The following TTN variants were observed in gnomAD, a reference collection of about 807,000 sequenced individuals.
TTN encodes connectin.
In TTN, 1,525 loss-of-function variants were observed where a neutral mutation model predicts 3,223.0. The observed-to-expected ratio is 0.47, with a 90% CI of 0.45 to 0.49. The LOEUF (loss-of-function observed/expected upper bound fraction) is 0.49, where lower values mean the gene tolerates loss of function less well. Ranked by LOEUF, TTN falls within the 20% of genes least tolerant of loss-of-function variation. The probability of loss-of-function intolerance (pLI) is 0.00; values close to 1 mark genes in which losing one functional copy is unlikely to be tolerated. For synonymous variants in TTN, 14,094 were observed against 15,161.0 expected (o/e 0.93, Z 5.17); for missense variants, 40,786 against 43,424.0 (o/e 0.94, Z 5.40).
intron 346 of TTN, 42 bp downstream of exon 346, chr2:178,543,792 G>A: frequency 6.2e-7 from 1 of 1,600,890 alleles, no homozygotes; most frequent in Middle Eastern, 1.7e-4. Flanking sequence ...TTGTTTTAGA[G>A]GATCTACTCA....
chr2:178,640,167 A>G, intron 221 of TTN, 57 bp from the exon 222 acceptor site: 6 of 1,534,184 alleles, frequency 3.9e-6, no homozygotes, highest in South Asian at 1.2e-5. Flanking sequence ...GTTTTTCACA[A>G]AGTCAAAACT....
In TTN at chr2:178,747,368, T is replaced by G. The variant is rs560037336; in HGVS notation, c.11312-5447A>C. ...ATGTATTGAGGATTGTTTAGTTATA[T>G]CTGAAGGATTAAAATATAAGTCAGG... On this transcript the variant is annotated intron_variant, in intron 47 of 362. Transcript: ENST00000589042. The G allele has an allele frequency of 3.7e-6, 6 of 1,613,354 alleles. No individual in the cohort carries two copies. In the South Asian group the frequency reaches 4.4e-5, roughly 12 times the overall value.
intron 12 of TTN, among the ~76,000 whole-genome samples, 189 bp from the exon 13 acceptor site, chr2:178,789,686 T>TA (rs748239931): frequency 6.6e-6 from 1 of 152,110 alleles, no homozygotes. Flanking sequence ...TGTTAGCTAT[T>TA]AAAAAACCTC....
intron 96 of TTN, 44 bp downstream of exon 96, chr2:178,711,900 C>T (rs770705426): frequency 1.3e-5 from 20 of 1,521,684 alleles, no homozygotes; most frequent in Admixed American, 4.2e-5. Flanking sequence ...AAATCTTGTT[C>T]AAAAGAAACA....
At position 178,636,708 on chromosome 2, in the gene TTN, C is replaced by CGG; in HGVS notation, c.41017_41018dup (p.Phe13674ArgfsTer6). 6.2e-7 allele frequency: 1 copy of CGG among 1,613,162 alleles called. No homozygotes were observed. Among genetic ancestry groups the CGG allele is most frequent in the South Asian group, 1.1e-5 (1 of 91,054 alleles). ...GCACAGCCTTTAGCTGGTAGGTGAA[C>CGG]GGGGCTTCATCAGGAGGTTTCTCTC... On this transcript the variant is annotated frameshift_variant, in exon 225 of 363. Coordinates refer to ENST00000589042, the MANE Select transcript of TTN (RefSeq NM_001267550.2). LOFTEE classifies it high-confidence loss of function. This position sits in a 1 kb window ranked among gnomAD's most constrained non-coding sequence, Gnocchi z 4.3.
Position 178,561,273 on chromosome 2 carries a change from A to T in TTN, c.84859T>A (p.Tyr28287Asn). The T allele has an allele frequency of 6.2e-7, 1 of 1,613,786 alleles. No homozygotes were observed. The highest frequency in any genetic ancestry group is 8.5e-7 in the Non-Finnish European group (1 of 1,179,804). ...GGTAGTTCTCTGCGTTCAACAATGT[A>T]TCCTGTGATCTTAGCTCCACCATCA... ...HYDGGAKITG[Y>N]IVERRELPDG... is the part of the protein sequence containing the mutation. Residue 28287 changes from tyrosine (Y) to asparagine (N), a missense_variant, in exon 326 of 363, where the codon TAC becomes AAC. Physicochemically the swap from Tyr to Asn is moderately radical, Grantham distance 143. Coordinates refer to ENST00000589042, the MANE Select transcript of TTN (RefSeq NM_001267550.2).
chr2:178,784,170 C>G lies in TTN; in HGVS notation c.2675G>C (p.Ser892Thr), dbSNP rs745946685. 6.2e-7 allele frequency: 1 copy of G among 1,614,204 alleles called. No individual in the cohort carries two copies. The highest frequency in any genetic ancestry group is 1.7e-5 in the Admixed American group (1 of 60,028). The change falls in exon 16 of 363, where the codon AGT becomes ACT. Residue 892 changes from serine (S) to threonine (T), a missense_variant. Physicochemically the swap from Ser to Thr is moderately conservative, Grantham distance 58. Transcript: ENST00000589042. ...PFADTPDTYK[S>T]EAGVEVKKEV... is the part of the protein sequence containing the mutation. ...CTTTTTCACCTCAACGCCAGCTTCA[C>G]TCTTGTAAGTATCTGGTGTGTCAGC...
intron 232 of TTN, 29 bp from the exon 233 acceptor site, chr2:178,633,355 C>A (rs755077659): frequency 1.2e-6 from 2 of 1,613,010 alleles, no homozygotes; most frequent in South Asian, 2.2e-5. Context: ...GTTAGCATGA[C>A]TGAACTAATA....
rs878933472 is a variant in TTN, at chr2:178,753,171, G to A, written c.11264C>T (p.Ser3755Leu). ...TTGTTCAATCCTCTCATGCAAAATTGATTCAGGAGCTAAAATAGAAAAACA... is the reference window on the plus strand; with the variant it reads ...TTGTTCAATCCTCTCATGCAAAATTAATTCAGGAGCTAAAATAGAAAAACA... ...AVLSVEGAPESILHERIEQEI... is the reference protein window; with the variant it reads ...AVLSVEGAPELILHERIEQEI... The change falls in exon 47 of 363, where the codon TCA becomes TTA. Residue 3755 changes from serine (S) to leucine (L), a missense_variant. Coordinates refer to ENST00000589042, the MANE Select transcript of TTN (RefSeq NM_001267550.2). 1 of 1,608,190 alleles carries A rather than the reference G, an allele frequency of 6.2e-7. No individual in the cohort carries two copies. Among genetic ancestry groups the A allele is most frequent in the Non-Finnish European group, 8.5e-7 (1 of 1,176,554 alleles).
At position 178,614,737 on chromosome 2, in the gene TTN, G is replaced by A; in HGVS notation, c.48777C>T (p.Phe16259=). Reference sequence around the variant, plus strand: ...GACCAGCAAGGAGCTTCACATCGAGGAAGATTTCTGGGGCCTCTGAATTGG... The same window carrying A: ...GACCAGCAAGGAGCTTCACATCGAGAAAGATTTCTGGGGCCTCTGAATTGG... ...AVDTQEAPEI[F]LDVKLLAGLT... Residue 16259 remains phenylalanine (F), a synonymous_variant, in exon 261 of 363, where the codon TTC becomes TTT. Coordinates refer to ENST00000589042, the MANE Select transcript of TTN (RefSeq NM_001267550.2). 9 of 1,608,088 alleles carry A rather than the reference G, an allele frequency of 5.6e-6. No individual in the cohort carries two copies. Among genetic ancestry groups the A allele is most frequent in the Non-Finnish European group, 6.8e-6 (8 of 1,177,072 alleles).
intron 47 of TTN, chr2:178,750,963 G>C (rs751965036): frequency 6.2e-7 from 1 of 1,612,838 alleles, no homozygotes; most frequent in Non-Finnish European, 8.5e-7. Flanking sequence ...TCCTTTACCA[G>C]TGCTTCTTGG....
chr2:178,722,690 A>C lies in TTN; in HGVS notation c.22209T>G (p.Thr7403=), dbSNP rs762942216. Reference sequence around the variant, plus strand: ...TTCTGAACACAGTCTTAGAAGAAGCAGTTCCTATACTATTTTCTGCTTTGC... The same window carrying C: ...TTCTGAACACAGTCTTAGAAGAAGCCGTTCCTATACTATTTTCTGCTTTGC... ...YTCKAENSIG[T]ASSKTVFRIQ... The change falls in exon 76 of 363, where the codon ACT becomes ACG. Residue 7403 remains threonine (T), a synonymous_variant. Coordinates refer to ENST00000589042, the MANE Select transcript of TTN (RefSeq NM_001267550.2). 1.9e-5 allele frequency: 31 copies of C among 1,612,610 alleles called. No homozygotes were observed. In the South Asian group the frequency reaches 3.3e-4, roughly 17 times the overall value.
rs794729283 is a variant in TTN at position 178,572,947 on chromosome 2, A to G, written c.73185T>C (p.Tyr24395=). 1 of 1,613,120 alleles carries G rather than the reference A, an allele frequency of 6.2e-7. No individual in the cohort carries two copies. Among genetic ancestry groups the G allele is most frequent in the African/African-American group, 1.3e-5 (1 of 74,888 alleles). The change falls in exon 326 of 363, where the codon TAT becomes TAC. Residue 24395 remains tyrosine, a synonymous_variant. Transcript: ENST00000589042. ...TITGLTENQE[Y]KIRIYAMNSE... The stretch of plus-strand genomic sequence containing the variant: ...AATTCATGGCATAGATGCGGATCTT[A>G]TATTCCTGATTCTCTGTGAGGCCAG...
In TTN at chr2:178,764,789, C is replaced by T. The variant is rs755986577; in HGVS notation, c.9726G>A (p.Leu3242=). Residue 3242 remains leucine (L), a synonymous_variant, in exon 42 of 363, where the codon CTG becomes CTA. Transcript: ENST00000589042. ...YVNAPEPPQV[L]QELQPVTVQS... ...GCACAGTGACAGGCTGGAGCTCCTGCAGAACTTGGGGCGGTTCAGGAGCTA... is the reference window on the plus strand; with the variant it reads ...GCACAGTGACAGGCTGGAGCTCCTGTAGAACTTGGGGCGGTTCAGGAGCTA... 1.7e-5 allele frequency: 27 copies of T among 1,613,428 alleles called. No individual in the cohort carries two copies. The highest frequency in any genetic ancestry group is 2.3e-5 in the Non-Finnish European group (27 of 1,179,878).
Position 178,576,324 on chromosome 2 carries a change from G to A in TTN, c.69808C>T (p.Leu23270Phe), listed in dbSNP as rs904477168. 6.4e-7 allele frequency: 1 copy of A among 1,570,430 alleles called. No individual in the cohort carries two copies. The highest frequency in any genetic ancestry group is 8.6e-7 in the Non-Finnish European group (1 of 1,162,694). Reference sequence around the variant, plus strand: ...TCCACGACATAGCCAGTGATTTCAAGTCCACCATCATAATGAGGCTTGCCC... The same window carrying A: ...TCCACGACATAGCCAGTGATTTCAAATCCACCATCATAATGAGGCTTGCCC... ...AWGKPHYDGG[L>F]EITGYVVEHQ... The change falls in exon 326 of 363, where the codon CTT (leucine) becomes TTT (phenylalanine). Residue 23270 changes from leucine to phenylalanine, a missense_variant. Transcript: ENST00000589042. This position sits in a 1 kb window ranked among gnomAD's most constrained non-coding sequence, Gnocchi z 4.3.
In TTN at chr2:178,655,185, C is replaced by T. The variant is rs1351048463; in HGVS notation, c.38039-190G>A. Reference sequence around the variant, plus strand: ...TAAACAGAACCAACGACAAAAACCACGTGATTATCTCAATAGATGCAGAAA... The same window carrying T: ...TAAACAGAACCAACGACAAAAACCATGTGATTATCTCAATAGATGCAGAAA... On this transcript the variant is annotated intron_variant, in intron 189 of 362. Transcript: ENST00000589042. Among the ~76,000 whole-genome samples, 5 of 136,770 alleles carry T rather than the reference C, an allele frequency of 3.7e-5. 1 individual carries two copies. The highest frequency in any genetic ancestry group is 5.9e-5 in the Non-Finnish European group (4 of 67,284). The allele number at this position is 136,770 out of a possible 152,430, so 89.7% of individuals were successfully genotyped here.
At chr2:178,539,351 T>C (rs778626831) in intron 352 of TTN, 31 bp downstream of exon 352, 1 of 1,600,752 alleles carries the variant, frequency 6.2e-7, no homozygotes, top group South Asian at 1.1e-5. Flanking sequence ...TGAAATAATG[T>C]TTATAATTTT....
Position 178,630,243 on chromosome 2 carries a change from T to C in TTN, c.44279A>G (p.Lys14760Arg), listed in dbSNP as rs2059635881. Reference sequence around the variant, plus strand: ...CCTGAAAAATATACAATACTTACGCTTAACTCGGAGGTGGGCACTAGATTT... The same window carrying C: ...CCTGAAAAATATACAATACTTACGCCTAACTCGGAGGTGGGCACTAGATTT... ...NVKSSAHLRV[K>R]PRVIGLLRPL... Residue 14760 changes from lysine to arginine, a missense_variant and splice_region_variant, in exon 239 of 363, where the codon AAG becomes AGG. Coordinates refer to ENST00000589042, the MANE Select transcript of TTN (RefSeq NM_001267550.2). 1 of 1,613,002 alleles carries C rather than the reference T, an allele frequency of 6.2e-7. No individual in the cohort carries two copies. The highest frequency in any genetic ancestry group is 8.5e-7 in the Non-Finnish European group (1 of 1,179,368).
chr2:178,568,917 C>G lies in TTN; in HGVS notation c.77215G>C (p.Ala25739Pro). 6.2e-7 allele frequency: 1 copy of G among 1,613,340 alleles called. No individual in the cohort carries two copies. Reference sequence around the variant, plus strand: ...TCTGACCATTTCTCACTGTGTTTAGCTTGCATTTCCACAATATACTGAATG... The same window carrying G: ...TCTGACCATTTCTCACTGTGTTTAGGTTGCATTTCCACAATATACTGAATG... The part of the protein sequence containing the change: ...KIIQYIVEMQ[A>P]KHSEKWSECA... The change falls in exon 326 of 363, where the codon GCT (alanine) becomes CCT (proline). Residue 25739 changes from alanine (A) to proline (P), a missense_variant. Coordinates refer to ENST00000589042, the MANE Select transcript of TTN (RefSeq NM_001267550.2).
Sources: gnomAD v4.1 joint callset for allele counts (sites outside exome capture counted in the v4.1 genomes callset) on GRCh38, gnomAD v4.1.1 for gene constraint, Gnocchi (gnomAD v3.1) non-coding constraint, MANE v1.5 for transcripts, NCBI Gene and HGNC (gene_info 2026-07-23, HGNC 2026-07-21) for gene names.